SKIC8: variants seen among roughly 807,000 people sequenced by gnomAD.
SKIC8 encodes the protein SKI8 subunit of superkiller complex.
the SKIC8 span, chr15:78,288,332 G>A: frequency 6.2e-7 from 1 of 1,613,812 alleles, no homozygotes; most frequent in Non-Finnish European, 8.5e-7. Flanking sequence ...GCAGTGACAA[G>A]GAGCTGGGAG....
At chr15:78,287,593 G>T in the SKIC8 span, among the ~76,000 whole-genome samples, 2 of 152,166 alleles carry the variant, frequency 1.3e-5, no homozygotes, top group African/African-American at 4.8e-5. Flanking sequence ...CGGGAGCAAT[G>T]AGCCAGAGGC....
the SKIC8 span, chr15:78,295,662 A>G: frequency 1.9e-6 from 3 of 1,602,010 alleles, no homozygotes; most frequent in Non-Finnish European, 2.6e-6. Flanking sequence ...TTTCCCTTCA[A>G]CACAGGTCTT....
the SKIC8 span, among the ~76,000 whole-genome samples, chr15:78,299,189 C>G: frequency 1.3e-5 from 2 of 152,206 alleles, no homozygotes; most frequent in Non-Finnish European, 2.9e-5. Flanking sequence ...ATGTCTGTAT[C>G]TGTCCAGCAC....
the SKIC8 span, chr15:78,293,431 T>C: frequency 3.1e-6 from 2 of 651,248 alleles, no homozygotes; most frequent in Non-Finnish European, 5.1e-6. Context: ...TGGGGCCACA[T>C]ATGAAAATTG....
the SKIC8 span, chr15:78,291,985 A>C: frequency 2.0e-5 from 3 of 152,528 alleles, no homozygotes; most frequent in African/African-American, 7.2e-5. Flanking sequence ...TGACATCATT[A>C]ATTTCTGTCA....
the SKIC8 span, among the ~76,000 whole-genome samples, chr15:78,297,675 C>A: frequency 6.6e-6 from 1 of 152,102 alleles, no homozygotes; most frequent in Admixed American, 6.5e-5. Context: ...GAAGAAAATG[C>A]TAAATTTCAG....
chr15:78,294,584 C>G, the SKIC8 span: 1 of 234,516 alleles, frequency 4.3e-6, no homozygotes, highest in Non-Finnish European at 8.4e-6. Context: ...CAGAAAAAGG[C>G]TCACGTTCAC....
the SKIC8 span, chr15:78,295,586 A>C: frequency 6.4e-7 from 1 of 1,560,510 alleles, no homozygotes; most frequent in Non-Finnish European, 8.8e-7. Context: ...ATGAGATGCT[A>C]GTTTCTTGAC....
chr15:78,292,862 C>T, the SKIC8 span: 3 of 1,545,932 alleles, frequency 1.9e-6, no homozygotes, highest in Non-Finnish European at 2.7e-6. Context: ...TTCTGGGTCC[C>T]TGTGACTATG....
chr15:78,288,571 A>G, the SKIC8 span, among the ~76,000 whole-genome samples: 4 of 152,248 alleles, frequency 2.6e-5, no homozygotes, highest in East Asian at 5.8e-4. Flanking sequence ...TAACCCCAGT[A>G]TCTCCTCCCA....
At chr15:78,283,789 T>C in the SKIC8 span, 1 of 256,660 alleles carries the variant, frequency 3.9e-6, no homozygotes, top group Non-Finnish European at 7.3e-6. Flanking sequence ...TCTACAACCC[T>C]TTCAAAGAGT....
chr15:78,291,754 A>G, the SKIC8 span: 4 of 152,250 alleles, frequency 2.6e-5, no homozygotes, highest in Non-Finnish European at 4.4e-5. Context: ...CAGGGCACCA[A>G]TCAAGGGAAC....
At chr15:78,299,517 G>C in the SKIC8 span, 1 of 152,688 alleles carries the variant, frequency 6.5e-6, no homozygotes, top group East Asian at 1.9e-4. Flanking sequence ...GACTGTCAAC[G>C]GCCCTAATGA....
At chr15:78,292,966 AT>A in the SKIC8 span, 88,385 of 661,884 alleles carry the variant, frequency 0.13, 7 homozygotes, top group South Asian at 0.18. Flanking sequence ...GGACTTTAAG[AT>A]TTTTTTTTTT....
At chr15:78,286,303 C>G in the SKIC8 span, 1 of 586,152 alleles carries the variant, frequency 1.7e-6, no homozygotes, top group African/African-American at 1.9e-5. Flanking sequence ...TAGCTTCATG[C>G]ATTAGAGACA....
the SKIC8 span, chr15:78,284,403 T>TTTCCC: frequency 6.6e-6 from 1 of 152,218 alleles, no homozygotes; most frequent in Non-Finnish European, 1.5e-5. Flanking sequence ...TTAGTTAACT[T>TTTCCC]TAAGTTCCAT....
the SKIC8 span, chr15:78,285,952 CA>C: frequency 9.0e-7 from 1 of 1,113,068 alleles, no homozygotes; most frequent in South Asian, 1.9e-5. Context: ...AAAAAAGGGT[CA>C]AACATCTTTA....
the SKIC8 span, chr15:78,284,127 C>A: frequency 2.0e-5 from 3 of 152,184 alleles, no homozygotes; most frequent in African/African-American, 7.2e-5. Context: ...TTTCTCTAAT[C>A]ATAAATAACT....
the SKIC8 span, chr15:78,289,934 G>C: frequency 1.2e-5 from 20 of 1,610,960 alleles, no homozygotes; most frequent in East Asian, 3.8e-4. Flanking sequence ...GGAGAACAGA[G>C]AGCAATGTTT....
Sources: gnomAD v4.1 joint callset for allele counts (sites outside exome capture counted in the v4.1 genomes callset) on GRCh38, gnomAD v4.1.1 for gene constraint, MANE v1.5 for transcripts, NCBI Gene and HGNC (gene_info 2026-07-23, HGNC 2026-07-21) for gene names.